L3MBTL3: variants seen among roughly 807,000 people sequenced by gnomAD.
L3MBTL3 encodes the protein L3MBTL histone methyl-lysine binding protein 3, also known as lethal(3)malignant brain tumor-like protein 3.
L3MBTL3 carries 27 observed loss-of-function variants against 102.3 expected under a neutral mutation model. That is an observed-to-expected ratio of 0.26 (90% CI 0.19 to 0.36). L3MBTL3 has a LOEUF of 0.36. Ranked by LOEUF, L3MBTL3 falls within the 10% of genes least tolerant of loss-of-function variation. L3MBTL3 has a pLI of 1.00. For missense variants in L3MBTL3, 798 were observed against 955.3 expected (o/e 0.84, Z 2.17); for synonymous variants, 340 against 320.9 (o/e 1.06, Z -0.64).
intron 16 of L3MBTL3, among the ~76,000 whole-genome samples, chr6:130,090,197 CA>C: frequency 6.6e-6 from 1 of 150,740 alleles, no homozygotes; most frequent in East Asian, 1.9e-4. Flanking sequence ...ATTTTAAGCA[CA>C]TATATATATA....
At chr6:130,028,808 T>C (rs1358699140) in intron 2 of L3MBTL3, among the ~76,000 whole-genome samples, 1 of 152,226 alleles carries the variant, frequency 6.6e-6, no homozygotes, top group Non-Finnish European at 1.5e-5. Flanking sequence ...TTAACTTCTT[T>C]TGATGTGTTC....
intron 14 of L3MBTL3, among the ~76,000 whole-genome samples, chr6:130,078,863 C>T (rs1387506790): frequency 2.6e-5 from 4 of 152,152 alleles, no homozygotes; most frequent in Non-Finnish European, 5.9e-5. Context: ...AGCCAACCTG[C>T]AGGCGTTAGT....
intron 10 of L3MBTL3, among the ~76,000 whole-genome samples, chr6:130,061,638 T>C (rs752484601): frequency 1.1e-4 from 16 of 152,194 alleles, no homozygotes; most frequent in Non-Finnish European, 2.1e-4. Flanking sequence ...GTTCTCTCCT[T>C]CCTGGACTCA....
intron 2 of L3MBTL3, among the ~76,000 whole-genome samples, chr6:130,031,164 C>G (rs1779699807): frequency 6.6e-6 from 1 of 152,116 alleles, no homozygotes. Flanking sequence ...GAATCACTTT[C>G]TCAAGTCTGG....
chr6:130,120,507 G>A (rs1582616948), intron 19 of L3MBTL3, among the ~76,000 whole-genome samples: 4 of 152,270 alleles, frequency 2.6e-5, no homozygotes, highest in Admixed American at 2.6e-4. Flanking sequence ...TTAGTTCAAT[G>A]GTGTGGACTT....
chr6:130,128,671 G>T (rs1786788154), intron 20 of L3MBTL3, among the ~76,000 whole-genome samples: 1 of 152,180 alleles, frequency 6.6e-6, no homozygotes, highest in African/African-American at 2.4e-5. Context: ...ACTTTGAGAT[G>T]ATTGTTAGCG....
chr6:130,033,205 G>A (rs1185221247), intron 2 of L3MBTL3, among the ~76,000 whole-genome samples: 1 of 152,206 alleles, frequency 6.6e-6, no homozygotes, highest in African/African-American at 2.4e-5. Flanking sequence ...GGAGCTGGGT[G>A]AGTCGGGTGG....
intron 9 of L3MBTL3, among the ~76,000 whole-genome samples, chr6:130,059,272 A>G (rs1289707205): frequency 6.6e-6 from 1 of 152,196 alleles, no homozygotes; most frequent in East Asian, 1.9e-4. Context: ...TGTTCATATA[A>G]GCAATATATA....
At chr6:130,075,719 C>A (rs1782908566) in intron 13 of L3MBTL3, among the ~76,000 whole-genome samples, 1 of 152,076 alleles carries the variant, frequency 6.6e-6, no homozygotes, top group African/African-American at 2.4e-5. Flanking sequence ...AGGCAGAAGG[C>A]AGGAAGCCAC....
intron 9 of L3MBTL3, among the ~76,000 whole-genome samples, chr6:130,058,056 T>C (rs1166552046): frequency 7.0e-6 from 1 of 142,462 alleles, no homozygotes; most frequent in East Asian, 2.1e-4. Context: ...GGCAGGAGAA[T>C]GGCGTGAACC....
At chr6:130,110,061 C>G (rs1425396618) in intron 19 of L3MBTL3, among the ~76,000 whole-genome samples, 6 of 152,138 alleles carry the variant, frequency 3.9e-5, no homozygotes, top group Non-Finnish European at 7.3e-5. Context: ...GTTTATATAT[C>G]TGTTTTGGTA....
At chr6:130,127,270 G>A (rs1786670564) in intron 20 of L3MBTL3, among the ~76,000 whole-genome samples, 1 of 152,116 alleles carries the variant, frequency 6.6e-6, no homozygotes, top group Admixed American at 6.6e-5. Context: ...AGTCAGATAA[G>A]GAAATTCTAG....
chr6:130,048,967 C>CACACACAT (rs71678245), intron 3 of L3MBTL3, among the ~76,000 whole-genome samples: 3,566 of 150,498 alleles, frequency 0.024, 92 homozygotes, highest in Admixed American at 0.067. Flanking sequence ...CACACACACA[C>CACACACAT]ACATACACAC....
chr6:130,051,117 A>ATCAT (rs1009234257), intron 5 of L3MBTL3, 132 bp from the exon 6 acceptor site: 1 of 665,618 alleles, frequency 1.5e-6, no homozygotes, highest in African/African-American at 1.8e-5. Context: ...CTATCATTTG[A>ATCAT]TCATTCATTC....
At chr6:130,047,680 T>G (rs1220981588) in intron 3 of L3MBTL3, among the ~76,000 whole-genome samples, 1 of 152,220 alleles carries the variant, frequency 6.6e-6, no homozygotes. Context: ...GAATTTTAAT[T>G]CAAATTGATT....
chr6:130,039,341 G>A (rs945103105), intron 2 of L3MBTL3, among the ~76,000 whole-genome samples: 1 of 151,826 alleles, frequency 6.6e-6, no homozygotes, highest in South Asian at 2.1e-4. Context: ...GTATTTCTTT[G>A]ATATCATAAA....
At chr6:130,053,057 A>G in intron 7 of L3MBTL3, 66 bp downstream of exon 7, 1 of 1,269,994 alleles carries the variant, frequency 7.9e-7, no homozygotes, top group Non-Finnish European at 1.1e-6. Context: ...TCACAGTCAC[A>G]AGCACTGCTC....
intron 20 of L3MBTL3, among the ~76,000 whole-genome samples, chr6:130,132,639 C>T (rs1006971342): frequency 1.5e-4 from 23 of 152,140 alleles, no homozygotes; most frequent in African/African-American, 3.9e-4. Context: ...AAGGAGACGA[C>T]GATTGACAGC....
At chr6:130,088,365 TTATC>T (rs1783821389) in intron 16 of L3MBTL3, among the ~76,000 whole-genome samples, 1 of 152,166 alleles carries the variant, frequency 6.6e-6, no homozygotes, top group South Asian at 2.1e-4. Flanking sequence ...CAGTAGGAGT[TTATC>T]TAATAAGTGG....
Sources: gnomAD v4.1 joint callset for allele counts (sites outside exome capture counted in the v4.1 genomes callset) on GRCh38, gnomAD v4.1.1 for gene constraint, MANE v1.5 for transcripts, NCBI Gene and HGNC (gene_info 2026-07-23, HGNC 2026-07-21) for gene names.